The following MED31 variants were observed in gnomAD, a reference collection of about 807,000 sequenced individuals.
MED31 encodes the protein mediator of RNA polymerase II transcription subunit 31.
A neutral mutation model predicts 22.0 loss-of-function variants in MED31; 11 were observed. The observed-to-expected ratio is 0.50, with a 90% CI of 0.31 to 0.83. The LOEUF is 0.83. Ranked by LOEUF, MED31 falls within the 40% of genes least tolerant of loss-of-function variation. MED31 has a pLI of 0.04. For synonymous variants in MED31, 60 were observed against 55.1 expected (o/e 1.09, Z -0.40); for missense variants, 122 against 155.3 (o/e 0.79, Z 1.14).
chr17:6,647,231 G>T lies in MED31; in HGVS notation c.204-2572C>A, dbSNP rs180684593. ...GAGACCGGCACTGGTGCGGGTCCTC[G>T]CATGCTGAGTGTGCCGGTCCCCTGG... On this transcript the variant is annotated intron_variant, in intron 3 of 3. Transcript: ENST00000225728. Among the ~76,000 whole-genome samples, 137 of 152,268 alleles carry T rather than the reference G, an allele frequency of 9.0e-4. 3 individuals are homozygous for T. In the East Asian group the frequency reaches 0.011, roughly 12 times the overall value.
chr17:6,650,193 G>T, intron 2 of MED31, 115 bp from the exon 3 acceptor site: 1 of 1,238,030 alleles, frequency 8.1e-7, no homozygotes, highest in Non-Finnish European at 1.1e-6. Context: ...ACACACATTG[G>T]ATTCAAAACA....
In MED31 at chr17:6,644,603, T is replaced by C; in HGVS notation, c.260A>G (p.Glu87Gly). Residue 87 changes from glutamate (E) to glycine (G), a missense_variant, in exon 4 of 4, where the codon GAG becomes GGG. Glu to Gly is a moderately conservative substitution (Grantham distance 98). Transcript: ENST00000225728. ...ELLQYEHFRK[E>G]LVNAQCAKFI... Reference sequence around the variant, plus strand: ...TTTCGCACACTGAGCATTCACCAGCTCCTTTCGGAAGTGTTCATATTGGAG... The same window carrying C: ...TTTCGCACACTGAGCATTCACCAGCCCCTTTCGGAAGTGTTCATATTGGAG... 1 of 1,613,148 alleles carries C rather than the reference T, an allele frequency of 6.2e-7. No homozygotes were observed. The highest frequency in any genetic ancestry group is 8.5e-7 in the Non-Finnish European group (1 of 1,179,910).
At chr17:6,651,456 G>GGAGA in intron 1 of MED31, 45 bp downstream of exon 1, 1 of 1,613,302 alleles carries the variant, frequency 6.2e-7, no homozygotes, top group Non-Finnish European at 8.5e-7. Flanking sequence ...TCTGGGTCAA[G>GGAGA]GAGAGTTCCA....
rs1278428642 is a variant in MED31, at chr17:6,644,808, C to T, written c.204-149G>A. The T allele has an allele frequency of 2.2e-5, 21 of 942,828 alleles. No individual in the cohort carries two copies. In the Admixed American group the frequency reaches 6.5e-4, roughly 29 times the overall value. The allele number at this position is 942,828 out of a possible 1,614,324, so 58.4% of individuals were successfully genotyped here. On this transcript the variant is annotated intron_variant, in intron 3 of 3. Coordinates refer to ENST00000225728, the MANE Select transcript of MED31 (RefSeq NM_016060.3). ...CTCTGGTAGCATAGGGTTTTTTCCC[C>T]GATTAGTCATCAAAGGTCAGTGTTC...
chr17:6,645,765 A>G (rs943763759), intron 3 of MED31, among the ~76,000 whole-genome samples: 1 of 152,242 alleles, frequency 6.6e-6, no homozygotes, highest in Non-Finnish European at 1.5e-5. Context: ...CCAAACTAAT[A>G]AATGCAGAAT....
At position 6,643,727 on chromosome 17, in the gene MED31, T is replaced by A. The variant is rs370448297; in HGVS notation, c.*740A>T. On this transcript the variant is annotated 3_prime_UTR_variant, in exon 4 of 4. Coordinates refer to ENST00000225728, the MANE Select transcript of MED31 (RefSeq NM_016060.3). ...TCTTCTATAAACAAGGTTCTTAGAA[T>A]AAAATGAGAATTCAAGGAAGCACTT... 6.0e-6 allele frequency: 1 copy of A among 167,774 alleles called. No homozygotes were observed. The highest frequency in any genetic ancestry group is 1.6e-4 in the East Asian group (1 of 6,214). The allele number at this position is 167,774 out of a possible 1,614,324, so 10.4% of individuals were successfully genotyped here.
chr17:6,648,638 G>A (rs1408490308), intron 3 of MED31, among the ~76,000 whole-genome samples: 1 of 152,112 alleles, frequency 6.6e-6, no homozygotes, highest in Non-Finnish European at 1.5e-5. Context: ...ACCCAAAAGG[G>A]GCTAATTTGC....
intron 3 of MED31, 141 bp from the exon 4 acceptor site, chr17:6,644,800 T>C: frequency 9.9e-7 from 1 of 1,014,258 alleles, no homozygotes; most frequent in Non-Finnish European, 1.3e-6. Flanking sequence ...AGCATAGGGT[T>C]TTTTCCCCGA....
chr17:6,650,229 A>G, intron 2 of MED31, 127 bp downstream of exon 2: 1 of 1,187,976 alleles, frequency 8.4e-7, no homozygotes, highest in Non-Finnish European at 1.2e-6. Context: ...AATTATATCT[A>G]TATACCAGCA....
At chr17:6,648,182 A>T (rs1163100165) in intron 3 of MED31, among the ~76,000 whole-genome samples, 1 of 152,242 alleles carries the variant, frequency 6.6e-6, no homozygotes, top group Non-Finnish European at 1.5e-5. Flanking sequence ...CCACATGAAG[A>T]AAAGAAAGGA....
intron 1 of MED31, among the ~76,000 whole-genome samples, chr17:6,650,817 G>A (rs1972823184): frequency 6.6e-6 from 1 of 152,054 alleles, no homozygotes; most frequent in African/African-American, 2.4e-5. Context: ...AAACGCTAGG[G>A]GCTGAATCAG....
At chr17:6,648,257 A>G (rs546152577) in intron 3 of MED31, among the ~76,000 whole-genome samples, 6 of 152,380 alleles carry the variant, frequency 3.9e-5, no homozygotes, top group South Asian at 4.1e-4. Context: ...TGAACTGCAT[A>G]AAGTACAACT....
intron 3 of MED31, among the ~76,000 whole-genome samples, chr17:6,645,621 T>C (rs1479421323): frequency 2.0e-5 from 3 of 152,210 alleles, no homozygotes; most frequent in Non-Finnish European, 1.5e-5. Context: ...CTGGAATACT[T>C]AGCGCAAGAA....
chr17:6,650,013 A>G lies in MED31; in HGVS notation c.172T>C (p.Trp58Arg). 6.2e-7 allele frequency: 1 copy of G among 1,605,214 alleles called. No individual in the cohort carries two copies. Among genetic ancestry groups the G allele is most frequent in the East Asian group, 2.2e-5 (1 of 44,748 alleles). The change falls in exon 3 of 4, where the codon TGG becomes CGG. Residue 58 changes from tryptophan to arginine, a missense_variant. Transcript: ENST00000225728. ...TACTTGGCATATTCTGGGTCTTTCC[A>G]GTAAAGCAAGTATTTAAGATAATTA... ...FVNYLKYLLY[W>R]KDPEYAKYLK...
At chr17:6,651,070 G>C (rs571497160) in intron 1 of MED31, among the ~76,000 whole-genome samples, 1 of 128,294 alleles carries the variant, frequency 7.8e-6, no homozygotes, top group East Asian at 2.4e-4. Context: ...GCAGTGAGCC[G>C]AGATCGCGCC....
intron 3 of MED31, among the ~76,000 whole-genome samples, chr17:6,645,263 G>T (rs1972752306): frequency 6.6e-6 from 1 of 152,182 alleles, no homozygotes; most frequent in South Asian, 2.1e-4. Flanking sequence ...TACTGAGCTG[G>T]TATTGAAAAC....
At position 6,644,393 on chromosome 17, in the gene MED31, A is replaced by T. The variant is rs1263728211; in HGVS notation, c.*74T>A. ...ATAAAGGTAGATAGGAAGAGTTTTC[A>T]TTTTTTTTGTCTTCACTGTACAAAA... On this transcript the variant is annotated 3_prime_UTR_variant, in exon 4 of 4. Transcript: ENST00000225728. 3.4e-6 allele frequency: 5 copies of T among 1,449,820 alleles called. No individual in the cohort carries two copies. In the African/African-American group the frequency reaches 4.3e-5, roughly 12 times the overall value. 89.8% of individuals were successfully genotyped at this position (1,449,820 alleles called of 1,614,324 possible).
Position 6,644,378 on chromosome 17 carries a change from A to G in MED31, c.*89T>C, listed in dbSNP as rs1972738462. The G allele has an allele frequency of 7.0e-7, 1 of 1,423,180 alleles. No homozygotes were observed. Among genetic ancestry groups the G allele is most frequent in the Admixed American group, 2.7e-5 (1 of 37,554 alleles). The allele number at this position is 1,423,180 out of a possible 1,614,324, so 88.2% of individuals were successfully genotyped here. Reference sequence around the variant, plus strand: ...CTAGGGGCTACCATAATAAAGGTAGATAGGAAGAGTTTTCATTTTTTTTGT... The same window carrying G: ...CTAGGGGCTACCATAATAAAGGTAGGTAGGAAGAGTTTTCATTTTTTTTGT... On this transcript the variant is annotated 3_prime_UTR_variant, in exon 4 of 4. Coordinates refer to ENST00000225728, the MANE Select transcript of MED31 (RefSeq NM_016060.3).
intron 2 of MED31, 108 bp from the exon 3 acceptor site, chr17:6,650,186 C>T: frequency 8.0e-7 from 1 of 1,251,662 alleles, no homozygotes. Context: ...ACCACCAACA[C>T]ACATTGGATT....
Sources: gnomAD v4.1 joint callset for allele counts (sites outside exome capture counted in the v4.1 genomes callset) on GRCh38, gnomAD v4.1.1 for gene constraint, MANE v1.5 for transcripts, NCBI Gene and HGNC (gene_info 2026-07-23, HGNC 2026-07-21) for gene names.